Variants in EMID1 observed in about 807,000 individuals in gnomAD.
The protein encoded by EMID1 is EMI domain containing 1, also known as EMI domain-containing protein 1.
Under a neutral mutation model 60.6 loss-of-function variants are expected in EMID1, and 40 were observed. The ratio of observed to expected loss-of-function variants is 0.66; its 90% CI spans 0.51 to 0.86. The LOEUF is 0.86. EMID1 is among the 40% of genes least tolerant of loss of function. The pLI is 0.00. For missense variants in EMID1, 585 were observed against 597.1 expected, an observed-to-expected ratio of 0.98 and a Z score of 0.21; for synonymous variants, 242 against 231.0, an observed-to-expected ratio of 1.05 and a Z score of -0.43.
intron 12 of EMID1, among the ~76,000 whole-genome samples, chr22:29,234,777 C>T (rs1002718488): frequency 6.6e-6 from 1 of 152,096 alleles, no homozygotes; most frequent in African/African-American, 2.4e-5. Context: ...TCTGATAATA[C>T]TTGCCTTGAA....
intron 5 of EMID1, among the ~76,000 whole-genome samples, chr22:29,227,377 G>A (rs939464299): frequency 6.6e-6 from 1 of 151,572 alleles, no homozygotes; most frequent in Non-Finnish European, 1.5e-5. Flanking sequence ...GGTGTGAGCC[G>A]CTGCGCTGCC....
chr22:29,257,206 C>T (rs962237679), intron 14 of EMID1, among the ~76,000 whole-genome samples: 1 of 152,038 alleles, frequency 6.6e-6, no homozygotes, highest in African/African-American at 2.4e-5. Context: ...AGGGACAGGT[C>T]GGGGGACTGG....
intron 12 of EMID1, among the ~76,000 whole-genome samples, chr22:29,237,162 T>G (rs1327771425): frequency 8.9e-6 from 1 of 111,852 alleles, no homozygotes; most frequent in Non-Finnish European, 1.8e-5. Context: ...TCTGCCTTTT[T>G]TTGGCTTTAT....
intron 3 of EMID1, among the ~76,000 whole-genome samples, chr22:29,220,100 G>GC (rs745988963): frequency 2.0e-4 from 31 of 151,846 alleles, no homozygotes; most frequent in Admixed American, 3.9e-4. Context: ...CTCAGCCCCT[G>GC]CCTGCATCCC....
intron 3 of EMID1, chr22:29,216,704 G>C (rs2040095879): frequency 1.0e-6 from 1 of 971,788 alleles, no homozygotes; most frequent in Non-Finnish European, 1.2e-6. Flanking sequence ...CAGATAGGGT[G>C]ACTGAGGCCC....
intron 8 of EMID1, chr22:29,232,624 G>C (rs1367330466): frequency 1.8e-5 from 10 of 545,210 alleles, no homozygotes; most frequent in African/African-American, 3.9e-5. Context: ...CACAGCCTGG[G>C]CGTAGGGGAA....
At chr22:29,225,972 A>G (rs2040493241) in intron 4 of EMID1, among the ~76,000 whole-genome samples, 1 of 152,148 alleles carries the variant, frequency 6.6e-6, no homozygotes. Flanking sequence ...AGCCCAGTCC[A>G]GACTGCGCTG....
intron 3 of EMID1, chr22:29,216,445 G>T (rs1334531288): frequency 2.0e-6 from 2 of 985,356 alleles, no homozygotes; most frequent in East Asian, 2.3e-4. Context: ...AAGAGGATGG[G>T]CTGGCCCAGA....
chr22:29,256,404 C>T (rs573700195), intron 14 of EMID1, among the ~76,000 whole-genome samples: 13 of 145,546 alleles, frequency 8.9e-5, no homozygotes, highest in Non-Finnish European at 1.6e-4. Flanking sequence ...GCAGAGGTTG[C>T]AGTGAGCCGA....
intron 3 of EMID1, among the ~76,000 whole-genome samples, chr22:29,217,089 T>C (rs2040117233): frequency 6.6e-6 from 1 of 152,034 alleles, no homozygotes; most frequent in South Asian, 2.1e-4. Flanking sequence ...GAGGGCCGAA[T>C]CCCCAGGGCA....
At chr22:29,243,975 G>A (rs1050943600) in intron 13 of EMID1, among the ~76,000 whole-genome samples, 3 of 152,222 alleles carry the variant, frequency 2.0e-5, no homozygotes, top group Non-Finnish European at 4.4e-5. Flanking sequence ...TAGGAGCCAC[G>A]TGGTAAAAAG....
At chr22:29,210,030 GCTA>G (rs2039820419) in intron 1 of EMID1, among the ~76,000 whole-genome samples, 1 of 152,032 alleles carries the variant, frequency 6.6e-6, no homozygotes, top group African/African-American at 2.4e-5. Context: ...TCGGGCTGAT[GCTA>G]GGAGTCCTGG....
chr22:29,230,993 C>G (rs776911548), intron 5 of EMID1, 27 bp from the exon 6 acceptor site: 2 of 1,604,192 alleles, frequency 1.2e-6, no homozygotes, highest in Non-Finnish European at 1.7e-6. Context: ...ACCCTGGTAC[C>G]CACCCCGTCC....
At chr22:29,235,340 C>A (rs2040906189) in intron 12 of EMID1, among the ~76,000 whole-genome samples, 1 of 105,418 alleles carries the variant, frequency 9.5e-6, no homozygotes. Context: ...AAGAGTGAGA[C>A]TTCATCTCAA....
chr22:29,211,398 C>T (rs1470879148), intron 1 of EMID1, among the ~76,000 whole-genome samples: 1 of 152,112 alleles, frequency 6.6e-6, no homozygotes, highest in African/African-American at 2.4e-5. Context: ...TGTGTGCACA[C>T]GGAGGCCCGT....
chr22:29,235,469 G>A (rs1190915700), intron 12 of EMID1, among the ~76,000 whole-genome samples: 1 of 151,496 alleles, frequency 6.6e-6, no homozygotes, highest in African/African-American at 2.4e-5. Flanking sequence ...GTTCTGTTTA[G>A]CCATCTTGCT....
At chr22:29,247,832 T>C (rs1418625234) in intron 13 of EMID1, among the ~76,000 whole-genome samples, 1 of 152,020 alleles carries the variant, frequency 6.6e-6, no homozygotes, top group East Asian at 1.9e-4. Flanking sequence ...GGTTTCACCA[T>C]GTTGGCCAGG....
chr22:29,255,337 C>A (rs2041664790), intron 14 of EMID1: 2 of 1,517,544 alleles, frequency 1.3e-6, no homozygotes, highest in South Asian at 1.3e-5. Flanking sequence ...ACGGGTCACC[C>A]TCCTGGAAGC....
chr22:29,230,781 G>A (rs866605443), intron 5 of EMID1, among the ~76,000 whole-genome samples: 4 of 152,158 alleles, frequency 2.6e-5, no homozygotes, highest in South Asian at 2.1e-4. Flanking sequence ...GCGAGACCTC[G>A]TCTCTACAAA....
Sources: allele counts gnomAD v4.1 joint callset (sites outside exome capture counted in the v4.1 genomes callset), GRCh38; gene constraint gnomAD v4.1.1; transcripts MANE v1.5; gene names NCBI Gene and HGNC (gene_info 2026-07-23, HGNC 2026-07-21).